The following ERC2 variants were observed in gnomAD, a reference collection of about 807,000 sequenced individuals.
ERC2 encodes ELKS/RAB6-interacting/CAST family member 2.
Under a neutral mutation model 114.8 loss-of-function variants are expected in ERC2, and 42 were observed. The observed-to-expected ratio is 0.37, with a 90% confidence interval of 0.29 to 0.47. The LOEUF is 0.47. ERC2 is among the 20% of genes least tolerant of loss of function. The pLI, the probability that ERC2 is intolerant of heterozygous loss-of-function variation, is 0.99. For missense variants in ERC2, 939 were observed against 1,150.7 expected (o/e 0.82, Z 2.66); for synonymous variants, 454 against 425.5 (o/e 1.07, Z -0.82).
intron 17 of ERC2, among the ~76,000 whole-genome samples, chr3:55,665,083 G>A (rs1283002427): frequency 2.6e-5 from 4 of 152,160 alleles, no homozygotes; most frequent in Admixed American, 6.5e-5. Flanking sequence ...AAGAGGGTGC[G>A]CGGTGAAGGT....
intron 2 of ERC2, among the ~76,000 whole-genome samples, chr3:56,360,148 T>A (rs1335310062): frequency 7.2e-6 from 1 of 138,460 alleles, no homozygotes; most frequent in Non-Finnish European, 1.5e-5. Context: ...CACTGCAAGC[T>A]CCGCCTCCTG....
chr3:55,531,098 T>C (rs1015134140), intron 17 of ERC2, among the ~76,000 whole-genome samples: 1 of 152,032 alleles, frequency 6.6e-6, no homozygotes, highest in Non-Finnish European at 1.5e-5. Flanking sequence ...TTTTGCTTGA[T>C]AGAGAGGCAC....
intron 2 of ERC2, among the ~76,000 whole-genome samples, chr3:56,332,439 T>C (rs1244389084): frequency 6.6e-6 from 1 of 152,158 alleles, no homozygotes; most frequent in Non-Finnish European, 1.5e-5. Flanking sequence ...GATTTACCAA[T>C]AAGGAAACTA....
At chr3:56,137,164 T>G (rs2080558028) in intron 6 of ERC2, among the ~76,000 whole-genome samples, 2 of 152,186 alleles carry the variant, frequency 1.3e-5, no homozygotes, top group African/African-American at 4.8e-5. Flanking sequence ...GAAAAGCCTT[T>G]CTGACCTGGC....
At chr3:56,263,935 T>C (rs114566672) in intron 3 of ERC2, among the ~76,000 whole-genome samples, 1,610 of 152,182 alleles carry the variant, frequency 0.011, 26 homozygotes, top group African/African-American at 0.037. Flanking sequence ...AATTTGATAA[T>C]ACATCAAATT....
intron 13 of ERC2, among the ~76,000 whole-genome samples, chr3:55,905,053 C>T (rs897447279): frequency 6.6e-6 from 1 of 152,182 alleles, no homozygotes; most frequent in Non-Finnish European, 1.5e-5. Context: ...AGACAAATCA[C>T]CAAGCTTGTT....
intron 14 of ERC2, among the ~76,000 whole-genome samples, chr3:55,825,174 C>G (rs1350119003): frequency 6.6e-6 from 1 of 152,154 alleles, no homozygotes; most frequent in Non-Finnish European, 1.5e-5. Context: ...AAACTGTGAG[C>G]AGGGTTGCTT....
chr3:56,187,137 G>T (rs539382445), intron 3 of ERC2, among the ~76,000 whole-genome samples: 83 of 152,248 alleles, frequency 5.5e-4, no homozygotes, highest in African/African-American at 1.8e-3. Context: ...TCCCCTTGAG[G>T]CAAGGGGGCT....
At chr3:56,352,639 G>C (rs1285334839) in intron 2 of ERC2, among the ~76,000 whole-genome samples, 1 of 152,178 alleles carries the variant, frequency 6.6e-6, no homozygotes, top group Non-Finnish European at 1.5e-5. Flanking sequence ...ATTTATTTCA[G>C]TTTCTGTGGA....
rs1322787589 is a variant in ERC2, at chr3:56,291,248, C to A, written c.1074+4771G>T. Among the ~76,000 whole-genome samples, 10 of 152,344 alleles carry A rather than the reference C, an allele frequency of 6.6e-5. No individual in the cohort carries two copies. In the East Asian group the frequency reaches 1.9e-3, roughly 29 times the overall value. On this transcript the variant is annotated intron_variant, in intron 3 of 17. Transcript: ENST00000288221. Reference sequence around the variant, plus strand: ...GAACAAGGTAAACGTCAAACAATGTCTTATCAAATCAACCTGCATCCAAAT... The same window carrying A: ...GAACAAGGTAAACGTCAAACAATGTATTATCAAATCAACCTGCATCCAAAT...
At chr3:56,340,579 T>TGTGTGTGTGTGTGTGTG (rs1576500213) in intron 2 of ERC2, among the ~76,000 whole-genome samples, 2 of 150,776 alleles carry the variant, frequency 1.3e-5, no homozygotes, top group South Asian at 2.1e-4. Flanking sequence ...TGTGTGTGTG[T>TGTGTGTGTGTGTGTGTG]TTAATCTCAC....
At chr3:55,742,942 G>A (rs1221004842) in intron 14 of ERC2, among the ~76,000 whole-genome samples, 1 of 152,218 alleles carries the variant, frequency 6.6e-6, no homozygotes, top group African/African-American at 2.4e-5. Flanking sequence ...GCTCACATGA[G>A]GTGGGGCCCA....
intron 13 of ERC2, among the ~76,000 whole-genome samples, chr3:55,909,478 G>A (rs1446901978): frequency 6.6e-6 from 1 of 152,132 alleles, no homozygotes; most frequent in African/African-American, 2.4e-5. Context: ...AGCTGGGCTT[G>A]GAGAGATGGG....
At chr3:55,580,414 A>G (rs1420302753) in intron 17 of ERC2, among the ~76,000 whole-genome samples, 2 of 152,202 alleles carry the variant, frequency 1.3e-5, no homozygotes, top group Admixed American at 6.5e-5. Flanking sequence ...GGAAGAAAAG[A>G]CAGAGGATGG....
At chr3:55,830,756 C>A (rs1434531409) in intron 14 of ERC2, among the ~76,000 whole-genome samples, 1 of 152,056 alleles carries the variant, frequency 6.6e-6, no homozygotes, top group Non-Finnish European at 1.5e-5. Flanking sequence ...TCAGCTTGGG[C>A]AACATAGCAA....
chr3:56,395,071 A>G (rs79048221), intron 2 of ERC2, among the ~76,000 whole-genome samples: 1,843 of 152,124 alleles, frequency 0.012, 16 homozygotes, highest in South Asian at 0.019. Flanking sequence ...AAAAAAATTT[A>G]TATTATATAC....
intron 13 of ERC2, among the ~76,000 whole-genome samples, chr3:55,911,322 A>C (rs2064797299): frequency 6.6e-6 from 1 of 152,198 alleles, no homozygotes; most frequent in South Asian, 2.1e-4. Flanking sequence ...TTGTGCTTTC[A>C]AAGTCCACAA....
At chr3:56,451,835 C>A (rs951324074) in intron 1 of ERC2, among the ~76,000 whole-genome samples, 8 of 152,156 alleles carry the variant, frequency 5.3e-5, no homozygotes, top group Non-Finnish European at 1.2e-4. Context: ...GGGGTCACAG[C>A]CTCTTTACTC....
intron 13 of ERC2, among the ~76,000 whole-genome samples, chr3:55,901,102 TAGTC>T (rs2064111627): frequency 6.6e-6 from 1 of 152,186 alleles, no homozygotes; most frequent in Admixed American, 6.5e-5. Context: ...TTCTATCACA[TAGTC>T]AGCACCAACA....
Sources: gnomAD v4.1 joint callset for allele counts (sites outside exome capture counted in the v4.1 genomes callset) on GRCh38, gnomAD v4.1.1 for gene constraint, MANE v1.5 for transcripts, NCBI Gene and HGNC (gene_info 2026-07-23, HGNC 2026-07-21) for gene names.